Variants in SLC13A5 observed in about 807,000 individuals in gnomAD.
The protein encoded by SLC13A5 is Na(+)/citrate cotransporter.
A neutral mutation model predicts 56.5 loss-of-function variants in SLC13A5; 25 were observed. That is an observed-to-expected ratio of 0.44 (90% CI 0.32 to 0.62). The LOEUF is 0.62. SLC13A5 is among the 20% of genes least tolerant of loss of function. The probability of loss-of-function intolerance (pLI) is 0.04; values close to 1 mark genes in which losing one functional copy is unlikely to be tolerated. For synonymous variants in SLC13A5, 307 were observed against 301.5 expected, an observed-to-expected ratio of 1.02 and a Z score of -0.19; for missense variants, 649 against 737.8, an observed-to-expected ratio of 0.88 and a Z score of 1.39.
intron 6 of SLC13A5, among the ~76,000 whole-genome samples, chr17:6,696,555 T>G (rs111817161): frequency 0.036 from 5,524 of 152,068 alleles, 124 homozygotes; most frequent in Non-Finnish European, 0.055. Flanking sequence ...TTGGGACCAG[T>G]GTCCATTGTC....
chr17:6,704,957 T>G (rs16956186), intron 3 of SLC13A5: 7,617 of 152,414 alleles, frequency 0.05, 604 homozygotes, highest in African/African-American at 0.17. Flanking sequence ...GCTCTGTGGC[T>G]CTACATGCCC....
intron 1 of SLC13A5, among the ~76,000 whole-genome samples, chr17:6,709,787 G>A (rs1038121712): frequency 1.2e-4 from 18 of 152,094 alleles, no homozygotes; most frequent in African/African-American, 4.3e-4. Flanking sequence ...AGCATCCCAC[G>A]AGCAAACCAG....
intron 1 of SLC13A5, among the ~76,000 whole-genome samples, chr17:6,707,370 C>T (rs1463847866): frequency 1.3e-5 from 2 of 152,204 alleles, no homozygotes; most frequent in African/African-American, 4.8e-5. Context: ...CCATTCCCAC[C>T]CCTCCTCCCT....
In SLC13A5 at chr17:6,692,291, G is replaced by A. The variant is rs1421014280; in HGVS notation, c.1275+753C>T. ...TGGATGGATGGACGGATGGACGGAC[G>A]GATGGATGGATGAAGACATGAATAG... On this transcript the variant is annotated intron_variant, in intron 9 of 11. Transcript: ENST00000433363. This position sits in a 1 kb window ranked among gnomAD's most constrained non-coding sequence, Gnocchi z 5.5. Among the ~76,000 whole-genome samples the A allele has an allele frequency of 2.6e-5, 4 of 151,050 alleles. No homozygotes were observed. The highest frequency in any genetic ancestry group is 6.6e-5 in the Admixed American group (1 of 15,138).
chr17:6,699,505 C>CT lies in SLC13A5; in HGVS notation c.839+1498dup, dbSNP rs1973653933. On this transcript the variant is annotated intron_variant, in intron 6 of 11. Coordinates refer to ENST00000433363, the MANE Select transcript of SLC13A5 (RefSeq NM_177550.5). ...TTTTGTTTTGAGACAGAGTCTTGCT[C>CT]TGTCGCCCAGGCTGGAGTGCAGTGG... 5.3e-5 allele frequency among the ~76,000 whole-genome samples: 8 copies of CT among 152,100 alleles called. No homozygotes were observed. In the South Asian group the frequency reaches 1.7e-3, roughly 32 times the overall value.
At chr17:6,702,939 T>C (rs1403631984) in intron 5 of SLC13A5, 31 bp downstream of exon 5, 1 of 1,608,034 alleles carries the variant, frequency 6.2e-7, no homozygotes, top group Non-Finnish European at 8.5e-7. Flanking sequence ...ACCCACTTCG[T>C]TGTCCCCAGA....
At position 6,695,623 on chromosome 17, in the gene SLC13A5, T is replaced by C. The variant is rs543474788; in HGVS notation, c.1055+103A>G. On this transcript the variant is annotated intron_variant, in intron 7 of 11. Coordinates refer to ENST00000433363, the MANE Select transcript of SLC13A5 (RefSeq NM_177550.5). ...CCAGGATGGTCTCGATCTCCTGACCTCAAGTGACCCACCCACCTCAGCCTC... is the reference window on the plus strand; with the variant it reads ...CCAGGATGGTCTCGATCTCCTGACCCCAAGTGACCCACCCACCTCAGCCTC... 1.7e-5 allele frequency: 20 copies of C among 1,171,492 alleles called. No individual in the cohort carries two copies. The South Asian group carries it at 2.8e-4, about 16-fold the overall frequency. The allele number at this position is 1,171,492 out of a possible 1,614,324, so 72.6% of individuals were successfully genotyped here.
In SLC13A5 at chr17:6,690,828, G is replaced by C. The variant is rs1398073744; in HGVS notation, c.1388C>G (p.Thr463Arg). ...SLLVAVFTEC[T>R]SNVATTTLFL... The stretch of plus-strand genomic sequence containing the variant: ...CAAGGTGGTGGTGGCCACGTTGCTT[G>C]TGCACTCAGTGAACACGGCAACGAG... Residue 463 changes from threonine (T) to arginine (R), a missense_variant, in exon 10 of 12, where the codon ACA becomes AGA. Physicochemically the swap from Thr to Arg is moderately conservative, Grantham distance 71. Transcript: ENST00000433363. 6.2e-7 allele frequency: 1 copy of C among 1,614,246 alleles called. No homozygotes were observed. The highest frequency in any genetic ancestry group is 8.5e-7 in the Non-Finnish European group (1 of 1,180,040).
intron 3 of SLC13A5, chr17:6,704,644 C>T (rs1283237871): frequency 4.4e-6 from 1 of 227,810 alleles, no homozygotes; most frequent in Non-Finnish European, 9.0e-6. Context: ...CGCACATACA[C>T]TTTGACCCCT....
chr17:6,696,231 C>A (rs1022957051), intron 6 of SLC13A5, among the ~76,000 whole-genome samples: 4 of 152,180 alleles, frequency 2.6e-5, no homozygotes, highest in African/African-American at 9.6e-5. Context: ...CCATAAGGAG[C>A]TTCGGAGCCT....
At position 6,701,893 on chromosome 17, in the gene SLC13A5, C is replaced by T. The variant is rs768193169; in HGVS notation, c.717-767G>A. 1.3e-4 allele frequency among the ~76,000 whole-genome samples: 20 copies of T among 152,118 alleles called. No homozygotes were observed. The highest frequency in any genetic ancestry group is 2.5e-4 in the Non-Finnish European group (17 of 68,022). ...GAGGCTGGAGGAGGGTCACTTCCAC[C>T]ACAGGCCCCGCCTCCCATCCCCGGG... is the stretch of plus-strand genomic sequence containing the variant. On this transcript the variant is annotated intron_variant, in intron 5 of 11. Coordinates refer to ENST00000433363, the MANE Select transcript of SLC13A5 (RefSeq NM_177550.5). The surrounding 1 kb of genome is among the most constrained non-coding windows in gnomAD (Gnocchi z 4.1).
rs1057099813 is a variant in SLC13A5, at chr17:6,684,963, C to T, written c.*1244G>A. The T allele has an allele frequency of 3.8e-5, 4 of 104,872 alleles. No homozygotes were observed. The highest frequency in any genetic ancestry group is 1.1e-4 in the African/African-American group (4 of 36,652). 6.5% of individuals were successfully genotyped at this position (104,872 alleles called of 1,614,324 possible). On this transcript the variant is annotated 3_prime_UTR_variant, in exon 12 of 12. Transcript: ENST00000433363. ...GAAAGAAGATGCTTGTCTCTCATGT[C>T]TGTCTCTTACAGGGGGGTTCTGAAG...
At chr17:6,702,871 G>T (rs1973750161) in intron 5 of SLC13A5, 99 bp downstream of exon 5, 4 of 1,477,280 alleles carry the variant, frequency 2.7e-6, no homozygotes, top group Non-Finnish European at 3.7e-6. Context: ...CTGCCCCGAG[G>T]CTTTCCAGGA....
chr17:6,699,259 G>A (rs2151490463), intron 6 of SLC13A5, among the ~76,000 whole-genome samples: 1 of 152,158 alleles, frequency 6.6e-6, no homozygotes, highest in Admixed American at 6.5e-5. Flanking sequence ...CTGTTCGACG[G>A]ATGTGAACAA....
At chr17:6,699,072 TAAATAAATAAATAAATA>T (rs199590134) in intron 6 of SLC13A5, among the ~76,000 whole-genome samples, 9,876 of 141,172 alleles carry the variant, frequency 0.07, 398 homozygotes, top group Non-Finnish European at 0.088. Flanking sequence ...AATAAATAAA[TAAATAAATAAATAAATA>T]AAATAAAATA....
rs372696623 is a variant in SLC13A5, at chr17:6,685,064, G to C, written c.*1143C>G. On this transcript the variant is annotated 3_prime_UTR_variant, in exon 12 of 12. Coordinates refer to ENST00000433363, the MANE Select transcript of SLC13A5 (RefSeq NM_177550.5). The surrounding 1 kb of genome is among the most constrained non-coding windows in gnomAD (Gnocchi z 4.2). ...AGTAACTTCAAGTAGATTGGCCCACGGGCAGGGGTTGTTTGCTGAGAGATC... is the reference window on the plus strand; with the variant it reads ...AGTAACTTCAAGTAGATTGGCCCACCGGCAGGGGTTGTTTGCTGAGAGATC... 6.6e-6 allele frequency: 1 copy of C among 152,156 alleles called. No homozygotes were observed. The highest frequency in any genetic ancestry group is 2.4e-5 in the African/African-American group (1 of 41,422). 9.4% of individuals were successfully genotyped at this position (152,156 alleles called of 1,614,324 possible).
chr17:6,702,493 C>G (rs1973740537), intron 5 of SLC13A5, among the ~76,000 whole-genome samples: 1 of 152,222 alleles, frequency 6.6e-6, no homozygotes, highest in South Asian at 2.1e-4. Context: ...ATCTGTAGAC[C>G]TCGGATGCCA....
chr17:6,690,558 G>A (rs148227616), intron 10 of SLC13A5, among the ~76,000 whole-genome samples: 42 of 152,316 alleles, frequency 2.8e-4, no homozygotes, highest in South Asian at 1.9e-3. Flanking sequence ...TCCATGGTTG[G>A]TGCTTTGGTC....
intron 8 of SLC13A5, 77 bp from the exon 9 acceptor site, chr17:6,693,239 C>T: frequency 1.2e-6 from 1 of 863,550 alleles, no homozygotes; most frequent in Admixed American, 3.4e-5. Flanking sequence ...ACCAGAGCAG[C>T]ATTAGAAGAC....
Sources: gnomAD v4.1 joint callset for allele counts (sites outside exome capture counted in the v4.1 genomes callset) on GRCh38, gnomAD v4.1.1 for gene constraint, Gnocchi (gnomAD v3.1) non-coding constraint, MANE v1.5 for transcripts, NCBI Gene and HGNC (gene_info 2026-07-23, HGNC 2026-07-21) for gene names.